The following ADAMTSL1 variants were observed in gnomAD, a reference collection of about 807,000 sequenced individuals.
ADAMTSL1 encodes ADAMTS-like protein 1.
In ADAMTSL1, 126 loss-of-function variants were observed where a neutral mutation model predicts 201.8. That is an observed-to-expected ratio of 0.62 (90% CI 0.54 to 0.72). The LOEUF (loss-of-function observed/expected upper bound fraction) is 0.72, where lower values mean the gene tolerates loss of function less well. ADAMTSL1 is among the 30% of genes least tolerant of loss of function. ADAMTSL1 has a pLI of 0.00. For synonymous variants in ADAMTSL1, 1,121 were observed against 903.4 expected, an observed-to-expected ratio of 1.24 and a Z score of -4.32; for missense variants, 2,679 against 2,277.8, an observed-to-expected ratio of 1.18 and a Z score of -3.59.
chr9:18,307,314 C>T (rs749905685), intron 2 of ADAMTSL1, among the ~76,000 whole-genome samples: 1 of 152,148 alleles, frequency 6.6e-6, no homozygotes, highest in Non-Finnish European at 1.5e-5. Flanking sequence ...CAGCTACCAT[C>T]ATAATGACAG....
chr9:18,224,001 G>T (rs56247751), intron 2 of ADAMTSL1, among the ~76,000 whole-genome samples: 10,253 of 152,104 alleles, frequency 0.067, 500 homozygotes, highest in African/African-American at 0.13. Flanking sequence ...AGATTCCAGA[G>T]AAGTATAAGT....
intron 1 of ADAMTSL1, among the ~76,000 whole-genome samples, chr9:17,952,802 C>G (rs917079141): frequency 2.6e-5 from 4 of 152,164 alleles, no homozygotes; most frequent in African/African-American, 9.7e-5. Context: ...GCCGGGCTTA[C>G]AGGCATGAGC....
intron 13 of ADAMTSL1, among the ~76,000 whole-genome samples, chr9:18,695,594 T>C (rs1343675360): frequency 6.6e-6 from 1 of 152,190 alleles, no homozygotes; most frequent in Non-Finnish European, 1.5e-5. Context: ...GGTTCAAGGT[T>C]CCACAGTGCC....
At chr9:18,724,285 G>A (rs1256104960) in intron 15 of ADAMTSL1, among the ~76,000 whole-genome samples, 3 of 152,182 alleles carry the variant, frequency 2.0e-5, no homozygotes, top group Non-Finnish European at 4.4e-5. Flanking sequence ...TATGTAGTCA[G>A]AATTATCAGA....
intron 2 of ADAMTSL1, among the ~76,000 whole-genome samples, chr9:18,336,556 T>A (rs867259949): frequency 6.6e-6 from 1 of 152,174 alleles, no homozygotes. Context: ...TTATATCAAA[T>A]TCTTTAGACA....
chr9:18,700,230 G>C (rs983745491), intron 13 of ADAMTSL1, among the ~76,000 whole-genome samples: 35 of 152,282 alleles, frequency 2.3e-4, no homozygotes, highest in African/African-American at 8.2e-4. Flanking sequence ...AATTCCTAAA[G>C]TGATTCAATT....
chr9:18,215,222 A>T (rs930819177), intron 2 of ADAMTSL1, among the ~76,000 whole-genome samples: 4 of 152,166 alleles, frequency 2.6e-5, no homozygotes, highest in East Asian at 1.9e-4. Context: ...TACTGTAATA[A>T]TTTTGACAGT....
chr9:18,375,708 G>A (rs2133152811), intron 2 of ADAMTSL1, among the ~76,000 whole-genome samples: 1 of 152,346 alleles, frequency 6.6e-6, no homozygotes, highest in South Asian at 2.1e-4. Flanking sequence ...TTATTGTGGA[G>A]AGTGAAAGAA....
chr9:18,344,842 G>A (rs1835629255), intron 2 of ADAMTSL1, among the ~76,000 whole-genome samples: 1 of 152,142 alleles, frequency 6.6e-6, no homozygotes, highest in African/African-American at 2.4e-5. Flanking sequence ...GACTTGATTT[G>A]AGTTCAGAAC....
At chr9:18,700,564 T>A (rs1285094985) in intron 13 of ADAMTSL1, among the ~76,000 whole-genome samples, 1 of 152,134 alleles carries the variant, frequency 6.6e-6, no homozygotes, top group African/African-American at 2.4e-5. Context: ...TCCATTAATG[T>A]CTCAAGGATT....
intron 2 of ADAMTSL1, among the ~76,000 whole-genome samples, chr9:18,246,832 C>T (rs1329766064): frequency 6.6e-6 from 1 of 152,078 alleles, no homozygotes; most frequent in Non-Finnish European, 1.5e-5. Flanking sequence ...TAAACAAATA[C>T]CTTCAGAAAG....
intron 2 of ADAMTSL1, among the ~76,000 whole-genome samples, chr9:18,335,992 T>G (rs1835220380): frequency 1.3e-5 from 2 of 152,040 alleles, no homozygotes; most frequent in African/African-American, 4.8e-5. Context: ...ATTATGGGAG[T>G]GGCATTGAAT....
intron 5 of ADAMTSL1, among the ~76,000 whole-genome samples, chr9:18,635,323 A>G (rs1339578895): frequency 6.6e-6 from 1 of 152,162 alleles, no homozygotes; most frequent in African/African-American, 2.4e-5. Flanking sequence ...ATCTATTATA[A>G]AGTGATCTGT....
chr9:17,923,201 G>T (rs1322237177), intron 1 of ADAMTSL1, among the ~76,000 whole-genome samples: 1 of 151,090 alleles, frequency 6.6e-6, no homozygotes, highest in Non-Finnish European at 1.5e-5. Flanking sequence ...GCTTGATGGG[G>T]ATGGCATTGA....
At chr9:18,297,525 T>A (rs147063949) in intron 2 of ADAMTSL1, among the ~76,000 whole-genome samples, 1 of 152,318 alleles carries the variant, frequency 6.6e-6, no homozygotes, top group Non-Finnish European at 1.5e-5. Context: ...AACTGCAAGT[T>A]GCCACACGAA....
intron 4 of ADAMTSL1, among the ~76,000 whole-genome samples, chr9:18,616,471 A>G (rs545590620): frequency 6.6e-6 from 1 of 152,168 alleles, no homozygotes; most frequent in Non-Finnish European, 1.5e-5. Flanking sequence ...ACTCACAATT[A>G]ATGTGTATCT....
chr9:18,028,052 C>T (rs967111348), intron 1 of ADAMTSL1, among the ~76,000 whole-genome samples: 5 of 151,844 alleles, frequency 3.3e-5, no homozygotes, highest in Admixed American at 3.3e-4. Context: ...CTTTGTTTTC[C>T]GTTTGTGTAA....
At chr9:18,841,066 A>G (rs1251452434) in intron 23 of ADAMTSL1, among the ~76,000 whole-genome samples, 1 of 148,786 alleles carries the variant, frequency 6.7e-6, no homozygotes, top group African/African-American at 2.5e-5. Flanking sequence ...AGAACTTCCA[A>G]CACTATGTTG....
chr9:18,385,153 G>C (rs966723136), intron 2 of ADAMTSL1, among the ~76,000 whole-genome samples: 1 of 152,188 alleles, frequency 6.6e-6, no homozygotes, highest in African/African-American at 2.4e-5. Context: ...CTATTGTGGA[G>C]AGTCTGGGCT....
Sources: gnomAD v4.1 joint callset for allele counts (sites outside exome capture counted in the v4.1 genomes callset) on GRCh38, gnomAD v4.1.1 for gene constraint, MANE v1.5 for transcripts, NCBI Gene and HGNC (gene_info 2026-07-23, HGNC 2026-07-21) for gene names.